Variants in NLGN4X observed in about 807,000 individuals in gnomAD.
The protein encoded by NLGN4X is neuroligin-4, X-linked.
NLGN4X carries 3 observed loss-of-function variants against 40.3 expected under a neutral mutation model. The ratio of observed to expected loss-of-function variants is 0.07; its 90% CI spans 0.03 to 0.19. NLGN4X has a LOEUF of 0.19. Among genes scored for constraint, NLGN4X ranks in the 10% least tolerant of loss-of-function variants. The pLI is 1.00. For synonymous variants in NLGN4X, 270 were observed against 306.8 expected, an observed-to-expected ratio of 0.88 and a Z score of 1.25; for missense variants, 382 against 708.3, an observed-to-expected ratio of 0.54 and a Z score of 5.23.
intron 3 of NLGN4X, among the ~76,000 whole-genome samples, chrX:6,023,496 G>T (rs1373624245): frequency 6.2e-5 from 7 of 112,147 alleles, no homozygotes; most frequent in Admixed American, 3.8e-4. Context: ...AGAAGGCTGT[G>T]GATGAGTTCT....
chrX:6,097,644 A>T (rs1416700191), intron 2 of NLGN4X, among the ~76,000 whole-genome samples: 1 of 111,932 alleles, frequency 8.9e-6, no homozygotes. Context: ...AACACTTGCT[A>T]AGAATATACA....
intron 3 of NLGN4X, among the ~76,000 whole-genome samples, chrX:5,969,548 A>C (rs1307866839): frequency 1.8e-5 from 2 of 111,409 alleles, no homozygotes; most frequent in Non-Finnish European, 3.8e-5. Flanking sequence ...GGATGTGGAG[A>C]AATAGGAATG....
Position 5,893,286 on chromosome X carries a change from G to A in NLGN4X, c.1982C>T (p.Thr661Ile). The change falls in exon 6 of 6, where the codon ACA (threonine) becomes ATA (isoleucine). Residue 661 changes from threonine to isoleucine, a missense_variant. Transcript: ENST00000381095. The part of the protein sequence containing the change: ...KDPHKTGPED[T>I]TVLIETKRDY... ...TCGTTTGGTTTCAATGAGGACAGTT[G>A]TGTCCTCAGGCCCTGTTTTGTGAGG... The A allele has an allele frequency of 8.3e-7, 1 of 1,211,067 alleles. No individual in the cohort carries two copies. The highest frequency in any genetic ancestry group is 1.1e-6 in the Non-Finnish European group (1 of 895,362).
intron 2 of NLGN4X, among the ~76,000 whole-genome samples, chrX:6,118,874 T>C (rs2039358521): frequency 9.0e-6 from 1 of 111,372 alleles, no homozygotes; most frequent in African/African-American, 3.3e-5. Flanking sequence ...ACTGGTCTTC[T>C]CCATATTCCT....
At chrX:5,934,011 A>C (rs1177001204) in intron 3 of NLGN4X, among the ~76,000 whole-genome samples, 2 of 111,936 alleles carry the variant, frequency 1.8e-5, no homozygotes, top group Non-Finnish European at 3.8e-5. Context: ...TATTATAAGA[A>C]GAAGAAAGAT....
intron 3 of NLGN4X, among the ~76,000 whole-genome samples, chrX:5,917,654 G>A (rs746924941): frequency 7.1e-5 from 8 of 112,106 alleles, no homozygotes; most frequent in Admixed American, 1.9e-4. Flanking sequence ...TGCGCTTGGT[G>A]TGGAATGTGT....
At chrX:5,907,290 G>A (rs6529896) in intron 4 of NLGN4X, among the ~76,000 whole-genome samples, 19,862 of 110,995 alleles carry the variant, frequency 0.18, 1,794 homozygotes, top group African/African-American at 0.35. Flanking sequence ...GCCACAGCCA[G>A]GAATTTGTGA....
intron 3 of NLGN4X, among the ~76,000 whole-genome samples, chrX:5,937,974 T>G (rs1360792205): frequency 2.7e-5 from 3 of 111,896 alleles, no homozygotes; most frequent in African/African-American, 9.7e-5. Flanking sequence ...ACATCTACCC[T>G]ACGGGACTAA....
At chrX:5,896,790 T>C (rs2031519542) in intron 5 of NLGN4X, among the ~76,000 whole-genome samples, 1 of 112,257 alleles carries the variant, frequency 8.9e-6, no homozygotes, top group Non-Finnish European at 1.9e-5. Flanking sequence ...TAACGATTAT[T>C]ACCGGACTAG....
intron 2 of NLGN4X, among the ~76,000 whole-genome samples, chrX:6,049,744 G>T (rs1220536165): frequency 1.7e-4 from 2 of 11,888 alleles, no homozygotes; most frequent in Non-Finnish European, 4.1e-4. Flanking sequence ...GGGGGGGGGC[G>T]GTCACAAAAT....
chrX:6,131,980 A>G (rs1365566725), intron 2 of NLGN4X, among the ~76,000 whole-genome samples: 1 of 111,697 alleles, frequency 9.0e-6, no homozygotes, highest in Non-Finnish European at 1.9e-5. Context: ...TAAGATGTCT[A>G]GTGGCATCCC....
At chrX:6,169,259 C>A (rs2040557181) in intron 1 of NLGN4X, among the ~76,000 whole-genome samples, 1 of 112,784 alleles carries the variant, frequency 8.9e-6, no homozygotes, top group Non-Finnish European at 1.9e-5. Flanking sequence ...AAAATGACTT[C>A]TCAAAAGCCA....
chrX:5,997,641 TA>T (rs2035866790), intron 3 of NLGN4X, among the ~76,000 whole-genome samples: 1 of 7,890 alleles, frequency 1.3e-4, no homozygotes, highest in Non-Finnish European at 2.3e-4. Context: ...TACACACGTA[TA>T]TATATATATA....
In NLGN4X at chrX:6,106,595, G is replaced by T. The variant is rs190770479; in HGVS notation, c.472+44400C>A. 2.5e-4 allele frequency among the ~76,000 whole-genome samples: 28 copies of T among 111,565 alleles called. No individual in the cohort carries two copies. The East Asian group carries it at 7.0e-3, about 28-fold the overall frequency. ...GGATTTTTTATTGTCCCCCAGTTCTGCTTTTTCCAGAATGTCCTATAGTTG... is the reference window on the plus strand; with the variant it reads ...GGATTTTTTATTGTCCCCCAGTTCTTCTTTTTCCAGAATGTCCTATAGTTG... On this transcript the variant is annotated intron_variant, in intron 2 of 5. Coordinates refer to ENST00000381095, the MANE Select transcript of NLGN4X (RefSeq NM_181332.3).
At chrX:5,918,923 T>C (rs2032919025) in intron 3 of NLGN4X, among the ~76,000 whole-genome samples, 2 of 112,144 alleles carry the variant, frequency 1.8e-5, no homozygotes, top group South Asian at 7.4e-4. Context: ...AGAGTTCCAT[T>C]ATATCTCTTA....
At chrX:5,923,873 A>G (rs751103906) in intron 3 of NLGN4X, among the ~76,000 whole-genome samples, 1 of 111,720 alleles carries the variant, frequency 9.0e-6, no homozygotes, top group East Asian at 2.8e-4. Context: ...TCTGTATTTA[A>G]TGACCAATGT....
chrX:6,185,605 C>T (rs1165796316), intron 1 of NLGN4X, among the ~76,000 whole-genome samples: 1 of 111,896 alleles, frequency 8.9e-6, no homozygotes, highest in Non-Finnish European at 1.9e-5. Context: ...AATCCAGGAA[C>T]CCCCTGGTTT....
At chrX:6,224,819 G>T (rs990313486) in intron 1 of NLGN4X, among the ~76,000 whole-genome samples, 4 of 99,108 alleles carry the variant, frequency 4.0e-5, no homozygotes, top group Non-Finnish European at 6.0e-5. Flanking sequence ...CCACGCACAG[G>T]CATTATTATG....
Position 6,046,385 on chromosome X carries a change from C to T in NLGN4X, c.473-16953G>A, listed in dbSNP as rs186951708. On this transcript the variant is annotated intron_variant, in intron 2 of 5. Coordinates refer to ENST00000381095, the MANE Select transcript of NLGN4X (RefSeq NM_181332.3). ...TAGCTGGAACAAAGGAAGCTTTTTC[C>T]CATCATTACATTATTTATCCCACTA... 4.8e-3 allele frequency among the ~76,000 whole-genome samples: 538 copies of T among 111,100 alleles called. 5 individuals are homozygous for T. The highest frequency in any genetic ancestry group is 0.017 in the African/African-American group (517 of 30,766).
Sources: gnomAD v4.1 joint callset for allele counts (sites outside exome capture counted in the v4.1 genomes callset) on GRCh38, gnomAD v4.1.1 for gene constraint, MANE v1.5 for transcripts, NCBI Gene and HGNC (gene_info 2026-07-23, HGNC 2026-07-21) for gene names.